Variants in DIP2C observed in about 807,000 individuals in gnomAD.
DIP2C encodes disco-interacting protein 2 homolog C.
Under a neutral mutation model 192.4 loss-of-function variants are expected in DIP2C, and 33 were observed. The observed-to-expected ratio is 0.17, with a 90% CI of 0.13 to 0.23. The LOEUF is 0.23. Among genes scored for constraint, DIP2C ranks in the 10% least tolerant of loss-of-function variants. The pLI is 1.00. For missense variants in DIP2C, 1,537 were observed against 2,110.1 expected (o/e 0.73, Z 5.32); for synonymous variants, 979 against 864.1 (o/e 1.13, Z -2.33).
chr10:329,931 A>G (rs1221743419), intron 29 of DIP2C, among the ~76,000 whole-genome samples: 1 of 152,152 alleles, frequency 6.6e-6, no homozygotes, highest in Admixed American at 6.5e-5. Flanking sequence ...TAGAAAACAC[A>G]GGGATCAAAT....
intron 6 of DIP2C, among the ~76,000 whole-genome samples, chr10:418,766 A>G (rs192042962): frequency 4.9e-4 from 74 of 152,362 alleles, no homozygotes; most frequent in African/African-American, 1.7e-3. Context: ...TCAGTTGCTG[A>G]ACCACCGTTA....
chr10:420,232 A>ACACAGAAGATCGAGG (rs1186230818), intron 5 of DIP2C, among the ~76,000 whole-genome samples: 2 of 152,234 alleles, frequency 1.3e-5, no homozygotes, highest in Non-Finnish European at 2.9e-5. Context: ...CAAAAACAGG[A>ACACAGAAGATCGAGG]CACAGAAGAT....
intron 1 of DIP2C, among the ~76,000 whole-genome samples, chr10:598,939 C>T (rs1194729002): frequency 6.6e-6 from 1 of 152,258 alleles, no homozygotes; most frequent in African/African-American, 2.4e-5. Flanking sequence ...CCTCAAGGAA[C>T]ATCCTTCCAA....
At chr10:541,461 C>T (rs816643) in intron 1 of DIP2C, among the ~76,000 whole-genome samples, 7 of 119,274 alleles carry the variant, frequency 5.9e-5, no homozygotes, top group Non-Finnish European at 9.1e-5. Flanking sequence ...TGGACCCCCC[C>T]GAGTGACCCT....
rs111605695 is a variant in DIP2C at position 576,145 on chromosome 10, G to A, written c.86-89615C>T. Among the ~76,000 whole-genome samples the A allele has an allele frequency of 6.9e-4, 105 of 152,298 alleles. 1 individual carries two copies. The highest frequency in any genetic ancestry group is 2.3e-3 in the African/African-American group (95 of 41,556). On this transcript the variant is annotated intron_variant, in intron 1 of 36. Coordinates refer to ENST00000280886, the MANE Select transcript of DIP2C (RefSeq NM_014974.3). ...AATCTAACTACGCTGTCGGATTCCA[G>A]ATGTGCTGGCACCAAGCAGAATGTC...
At chr10:606,297 T>C (rs200825751) in intron 1 of DIP2C, among the ~76,000 whole-genome samples, 1 of 151,974 alleles carries the variant, frequency 6.6e-6, no homozygotes, top group African/African-American at 2.4e-5. Flanking sequence ...AAGACACCAG[T>C]CACAGCCACA....
chr10:655,390 C>T (rs994643777), intron 1 of DIP2C, among the ~76,000 whole-genome samples: 2 of 152,202 alleles, frequency 1.3e-5, no homozygotes, highest in African/African-American at 4.8e-5. Context: ...GAACACTGTC[C>T]TCTCTGTTCT....
intron 29 of DIP2C, among the ~76,000 whole-genome samples, chr10:339,076 T>C (rs1187266802): frequency 3.3e-5 from 5 of 151,958 alleles, no homozygotes; most frequent in Non-Finnish European, 5.9e-5. Context: ...GCTACACTCT[T>C]AGGAGCACAG....
At chr10:538,346 C>A (rs1847805495) in intron 1 of DIP2C, among the ~76,000 whole-genome samples, 3 of 151,854 alleles carry the variant, frequency 2.0e-5, no homozygotes, top group Admixed American at 2.0e-4. Context: ...GAGATGGGAT[C>A]TTGCTATCTG....
chr10:481,151 C>T (rs1588252366), intron 2 of DIP2C, among the ~76,000 whole-genome samples: 1 of 152,084 alleles, frequency 6.6e-6, no homozygotes, highest in South Asian at 2.1e-4. Flanking sequence ...GCACCTGCCC[C>T]GGGAAAGCAC....
intron 1 of DIP2C, among the ~76,000 whole-genome samples, chr10:491,930 G>T (rs1159097264): frequency 6.6e-6 from 1 of 152,126 alleles, no homozygotes; most frequent in Non-Finnish European, 1.5e-5. Flanking sequence ...GGGCTAGGAA[G>T]AAGCTCAGAA....
chr10:525,674 G>A (rs949789668), intron 1 of DIP2C, among the ~76,000 whole-genome samples: 7 of 152,280 alleles, frequency 4.6e-5, no homozygotes, highest in Non-Finnish European at 8.8e-5. Context: ...AGGATAACAG[G>A]CCTTTGAATG....
chr10:278,764 A>G (rs1954659697), intron 36 of DIP2C, among the ~76,000 whole-genome samples: 1 of 152,124 alleles, frequency 6.6e-6, no homozygotes, highest in Admixed American at 6.5e-5. Context: ...AGAAGCAAAA[A>G]CCCGGTGCTT....
intron 3 of DIP2C, among the ~76,000 whole-genome samples, chr10:456,328 A>G (rs1161009156): frequency 1.5e-5 from 2 of 130,584 alleles, no homozygotes; most frequent in South Asian, 2.5e-4. Context: ...AACACTCTGC[A>G]GTGAGTCCCT....
chr10:610,540 C>T (rs1347123171), intron 1 of DIP2C, among the ~76,000 whole-genome samples: 1 of 152,268 alleles, frequency 6.6e-6, no homozygotes, highest in Non-Finnish European at 1.5e-5. Context: ...CAAGGTATCA[C>T]ATGCACCCTG....
At chr10:578,370 T>C (rs1314396228) in intron 1 of DIP2C, among the ~76,000 whole-genome samples, 2 of 152,184 alleles carry the variant, frequency 1.3e-5, no homozygotes, top group African/African-American at 2.4e-5. Context: ...TCTCATTTAT[T>C]GAGCTGAGGG....
At chr10:435,590 C>A (rs1181622508) in intron 4 of DIP2C, among the ~76,000 whole-genome samples, 1 of 152,216 alleles carries the variant, frequency 6.6e-6, no homozygotes, top group Non-Finnish European at 1.5e-5. Flanking sequence ...TCCACTTCAC[C>A]TGTCCACCCT....
At position 318,034 on chromosome 10, in the gene DIP2C, G is replaced by T. The variant is rs561924330; in HGVS notation, c.3925-7942C>A. Among the ~76,000 whole-genome samples the T allele has an allele frequency of 5.3e-5, 8 of 152,290 alleles. No homozygotes were observed. In the East Asian group the frequency reaches 1.5e-3, roughly 29 times the overall value. On this transcript the variant is annotated intron_variant, in intron 31 of 36. Coordinates refer to ENST00000280886, the MANE Select transcript of DIP2C (RefSeq NM_014974.3). ...GCTTCGGCTTGTCTCCCCTTTGCAT[G>T]AAGGGCAAGTGCCTGAGTAGACGTA...
At chr10:377,904 A>G (rs1472566566) in intron 17 of DIP2C, among the ~76,000 whole-genome samples, 2 of 152,230 alleles carry the variant, frequency 1.3e-5, no homozygotes, top group African/African-American at 4.8e-5. Flanking sequence ...CAGGGTATCC[A>G]AATAGTACTT....
Sources: gnomAD v4.1 joint callset for allele counts (sites outside exome capture counted in the v4.1 genomes callset) on GRCh38, gnomAD v4.1.1 for gene constraint, MANE v1.5 for transcripts, NCBI Gene and HGNC (gene_info 2026-07-23, HGNC 2026-07-21) for gene names.